COL1A2: variants seen among roughly 807,000 people sequenced by gnomAD.
The protein encoded by COL1A2 is collagen alpha-2(I) chain.
COL1A2 carries 49 observed loss-of-function variants against 174.3 expected under a neutral mutation model. That is an observed-to-expected ratio of 0.28 (90% CI 0.22 to 0.36). The LOEUF (loss-of-function observed/expected upper bound fraction) is 0.36. Ranked by LOEUF, COL1A2 falls within the 10% of genes least tolerant of loss-of-function variation. The pLI, the probability that COL1A2 is intolerant of heterozygous loss-of-function variation, is 1.00. For missense variants in COL1A2, 1,438 were observed against 1,822.7 expected, an observed-to-expected ratio of 0.79 and a Z score of 3.84; for synonymous variants, 655 against 606.6, an observed-to-expected ratio of 1.08 and a Z score of -1.17.
chr7:94,405,278 G>A, intron 10 of COL1A2, 26 bp downstream of exon 10: 1 of 1,608,084 alleles, frequency 6.2e-7, no homozygotes, highest in African/African-American at 1.3e-5. Context: ...TTGGTAGATA[G>A]CACAAACATC....
chr7:94,420,957 C>G, intron 37 of COL1A2, 52 bp from the exon 38 acceptor site: 1 of 1,527,150 alleles, frequency 6.5e-7, no homozygotes, highest in Admixed American at 1.7e-5. Context: ...AAAAGAGTAG[C>G]ATTTACAAGG....
chr7:94,427,173 G>A lies in COL1A2; in HGVS notation c.3160-15G>A. The A allele has an allele frequency of 6.2e-7, 1 of 1,613,508 alleles. No homozygotes were observed. The highest frequency in any genetic ancestry group is 8.5e-7 in the Non-Finnish European group (1 of 1,179,542). ...ATTCACCAGCTCACATGTACCTGGTGTCTGTCTTCCTTAGGGCCCTGCTGG... is the reference window on the plus strand; with the variant it reads ...ATTCACCAGCTCACATGTACCTGGTATCTGTCTTCCTTAGGGCCCTGCTGG... On this transcript the variant is annotated splice_polypyrimidine_tract_variant and intron_variant, in intron 47 of 51. Coordinates refer to ENST00000297268, the MANE Select transcript of COL1A2 (RefSeq NM_000089.4).
At chr7:94,416,990 A>G (rs1406303006) in intron 31 of COL1A2, among the ~76,000 whole-genome samples, 1 of 152,210 alleles carries the variant, frequency 6.6e-6, no homozygotes, top group African/African-American at 2.4e-5. Context: ...TCTGTGGTTT[A>G]GATTTTAAAA....
chr7:94,425,003 T>C, intron 41 of COL1A2, 114 bp from the exon 42 acceptor site: 1 of 876,046 alleles, frequency 1.1e-6, no homozygotes, highest in South Asian at 1.4e-5. Flanking sequence ...CCATTCACAT[T>C]CAATTTACCT....
At position 94,426,102 on chromosome 7, in the gene COL1A2, A is replaced by C. The variant is rs769901646; in HGVS notation, c.2997+51A>C. ...GCAACACTAACATTTAGAGAGAATC[A>C]GTCCAAAACATCTGTTAAGAAAATA... On this transcript the variant is annotated intron_variant, in intron 45 of 51. Transcript: ENST00000297268. 2.3e-5 allele frequency: 34 copies of C among 1,483,586 alleles called. 1 individual carries two copies. The South Asian group carries it at 3.7e-4, about 16-fold the overall frequency. 91.9% of individuals were successfully genotyped at this position (1,483,586 alleles called of 1,614,324 possible). A position where few individuals can be genotyped will look rare whatever the true frequency, so the allele number is the denominator to read the frequency against.
In COL1A2 at chr7:94,415,355, C is replaced by T. The variant is rs41317156; in HGVS notation, c.1764+85C>T. On this transcript the variant is annotated intron_variant, in intron 30 of 51. Transcript: ENST00000297268. ...GCTTTCTCCTTAAAGCCACTGATGA[C>T]CCTGCAACAAGTCTCTGATGCTCTT... 2.6e-3 allele frequency: 2,971 copies of T among 1,147,476 alleles called. 54 individuals are homozygous for T. In the African/African-American group the frequency reaches 0.038, roughly 15 times the overall value. 71.1% of individuals were successfully genotyped at this position (1,147,476 alleles called of 1,614,324 possible). A position where few individuals can be genotyped will look rare whatever the true frequency, so the allele number is the denominator to read the frequency against.
intron 19 of COL1A2, among the ~76,000 whole-genome samples, chr7:94,410,026 C>T (rs1791886122): frequency 6.6e-6 from 1 of 152,180 alleles, no homozygotes; most frequent in African/African-American, 2.4e-5. Flanking sequence ...TAAATCATTA[C>T]CTCAAGGTAA....
In COL1A2 at chr7:94,427,041, G is replaced by A. The variant is rs35820023; in HGVS notation, c.3139G>A (p.Val1047Met). The A allele has an allele frequency of 2.6e-4, 427 of 1,613,986 alleles. 2 individuals are homozygous for A. In the African/African-American group the frequency reaches 4.4e-3, roughly 17 times the overall value. Residue 1047 changes from valine to methionine, a missense_variant, in exon 47 of 52, where the codon GTG becomes ATG. Coordinates refer to ENST00000297268, the MANE Select transcript of COL1A2 (RefSeq NM_000089.4). ...TGGTGATCAAGGTGCTCCTGGCTCC[G>A]TGGGTCCTGCTGGTCCTAGGGTAGG... ...HHGDQGAPGS[V>M]GPAGPRGPAG...
At position 94,421,053 on chromosome 7, in the gene COL1A2, A is replaced by G; in HGVS notation, c.2340A>G (p.Gly780=). Residue 780 remains glycine (G), a synonymous_variant, in exon 38 of 52, where the codon GGA becomes GGG. Coordinates refer to ENST00000297268, the MANE Select transcript of COL1A2 (RefSeq NM_000089.4). ...GTCCTGCTGGAAGTCGTGGTGATGG[A>G]GGCCCCCCTGTGAGTATTTACAATG... ...PPGPAGSRGD[G]GPPGMTGFPG... 1 of 1,614,118 alleles carries G rather than the reference A, an allele frequency of 6.2e-7. No individual in the cohort carries two copies. The highest frequency in any genetic ancestry group is 8.5e-7 in the Non-Finnish European group (1 of 1,179,996).
At chr7:94,424,501 C>T (rs1792234714) in intron 41 of COL1A2, 58 bp downstream of exon 41, 1 of 1,452,552 alleles carries the variant, frequency 6.9e-7, no homozygotes, top group Non-Finnish European at 9.7e-7. Flanking sequence ...TAAAAGCTGC[C>T]ACTTCAAATG....
chr7:94,408,435 G>A, intron 15 of COL1A2, 55 bp downstream of exon 15: 1 of 1,564,882 alleles, frequency 6.4e-7, no homozygotes, highest in South Asian at 1.1e-5. Context: ...GGTGGGTGCT[G>A]TCTTCTTCAT....
chr7:94,425,272 T>C (rs963791410), intron 42 of COL1A2, 48 bp downstream of exon 42: 23 of 1,540,338 alleles, frequency 1.5e-5, no homozygotes, highest in Non-Finnish European at 1.7e-5. Context: ...AGGATTTCAT[T>C]GTGTGAAACT....
At chr7:94,399,754 A>G (rs1791650056) in intron 4 of COL1A2, among the ~76,000 whole-genome samples, 1 of 152,204 alleles carries the variant, frequency 6.6e-6, no homozygotes, top group Non-Finnish European at 1.5e-5. Flanking sequence ...TTTCTCTCCT[A>G]TGATAAAGTG....
chr7:94,408,692 C>T, intron 15 of COL1A2, 78 bp from the exon 16 acceptor site: 2 of 1,502,806 alleles, frequency 1.3e-6, no homozygotes, highest in Non-Finnish European at 9.3e-7. Flanking sequence ...CTGTAAGCAA[C>T]TTCAATCTTC....
intron 25 of COL1A2, among the ~76,000 whole-genome samples, 197 bp from the exon 26 acceptor site, chr7:94,412,886 C>T (rs574937062): frequency 2.0e-5 from 3 of 152,290 alleles, no homozygotes; most frequent in Non-Finnish European, 4.4e-5. Context: ...GAGCCCCATG[C>T]TTCCACAGAC....
chr7:94,395,820 A>T (rs558962674), intron 1 of COL1A2, among the ~76,000 whole-genome samples: 1 of 147,246 alleles, frequency 6.8e-6, no homozygotes, highest in African/African-American at 2.4e-5. Context: ...AAAGTAATAT[A>T]AGTGTCTCAA....
chr7:94,425,942 G>A (rs894639084), intron 44 of COL1A2, 56 bp from the exon 45 acceptor site: 2 of 1,606,200 alleles, frequency 1.2e-6, no homozygotes, highest in Non-Finnish European at 1.7e-6. Flanking sequence ...TGGTGGAGGA[G>A]TGGGGAGGGG....
At chr7:94,401,510 A>G (rs1791687302) in intron 5 of COL1A2, 57 bp from the exon 6 acceptor site, 2 of 774,356 alleles carry the variant, frequency 2.6e-6, no homozygotes, top group Admixed American at 8.7e-5. Context: ...GAACTACATG[A>G]CTAGTAACTA....
rs777971816 is a variant in COL1A2 at position 94,401,597 on chromosome 7, G to C, written c.256G>C (p.Val86Leu). Reference protein sequence around the residue: ...NFAAQYDGKGVGLGPGPMGLM... With the variant: ...NFAAQYDGKGLGLGPGPMGLM... Reference sequence around the variant, plus strand: ...TGCTGCTCAGTATGATGGAAAAGGAGTTGGACTTGGCCCTGGACCAATGGT... The same window carrying C: ...TGCTGCTCAGTATGATGGAAAAGGACTTGGACTTGGCCCTGGACCAATGGT... Residue 86 changes from valine (V) to leucine (L), a missense_variant, in exon 6 of 52, where the codon GTT becomes CTT. Val to Leu is a conservative substitution (Grantham distance 32, BLOSUM62 1). Transcript: ENST00000297268. 8.2e-6 allele frequency: 13 copies of C among 1,575,808 alleles called. No individual in the cohort carries two copies. The highest frequency in any genetic ancestry group is 1.1e-5 in the Non-Finnish European group (13 of 1,159,198).
Sources: gnomAD v4.1 joint callset for allele counts (sites outside exome capture counted in the v4.1 genomes callset) on GRCh38, gnomAD v4.1.1 for gene constraint, MANE v1.5 for transcripts, NCBI Gene and HGNC (gene_info 2026-07-23, HGNC 2026-07-21) for gene names.